HOOK1: variants seen among roughly 807,000 people sequenced by gnomAD.
The protein encoded by HOOK1 is protein Hook homolog 1.
HOOK1 carries 60 observed loss-of-function variants against 112.8 expected under a neutral mutation model. The observed-to-expected ratio is 0.53, with a 90% CI of 0.43 to 0.66. The LOEUF is 0.66. HOOK1 is among the 30% of genes least tolerant of loss of function. The pLI is 0.00. For missense variants in HOOK1, 770 were observed against 856.0 expected (o/e 0.90, Z 1.25); for synonymous variants, 294 against 283.8 (o/e 1.04, Z -0.36).
chr1:59,871,464 G>A (rs1416322895), intron 21 of HOOK1, among the ~76,000 whole-genome samples: 3 of 152,146 alleles, frequency 2.0e-5, no homozygotes, highest in Non-Finnish European at 4.4e-5. Flanking sequence ...ATGAAGATCT[G>A]TGTAATGCAA....
At chr1:59,853,336 A>G (rs2102052624) in intron 12 of HOOK1, among the ~76,000 whole-genome samples, 1 of 151,552 alleles carries the variant, frequency 6.6e-6, no homozygotes, top group East Asian at 1.9e-4. Context: ...TGATAGATTG[A>G]TTTTTCTAAT....
chr1:59,828,259 T>C (rs1021501943), intron 2 of HOOK1, among the ~76,000 whole-genome samples: 12 of 152,200 alleles, frequency 7.9e-5, no homozygotes, highest in African/African-American at 2.7e-4. Flanking sequence ...AAAACTAAAC[T>C]TGTCTTTGTA....
intron 4 of HOOK1, among the ~76,000 whole-genome samples, chr1:59,832,635 T>G (rs1233350580): frequency 2.0e-5 from 3 of 152,102 alleles, no homozygotes; most frequent in African/African-American, 7.2e-5. Flanking sequence ...AAAAGTAGTA[T>G]TATAAAGTCA....
At chr1:59,849,045 C>A in intron 11 of HOOK1, 28 bp from the exon 12 acceptor site, 1 of 1,422,798 alleles carries the variant, frequency 7.0e-7, no homozygotes, top group African/African-American at 1.4e-5. Context: ...CTTTTAAGGA[C>A]CTTTTTTCCT....
At chr1:59,824,258 A>C (rs1051714036) in intron 2 of HOOK1, among the ~76,000 whole-genome samples, 1 of 150,920 alleles carries the variant, frequency 6.6e-6, no homozygotes, top group Non-Finnish European at 1.5e-5. Flanking sequence ...CCTAGGCTGG[A>C]ATGCAGTGGT....
Position 59,865,944 on chromosome 1 carries a change from A to G in HOOK1, c.1817A>G (p.Tyr606Cys). ...DEDMKAMEER[Y>C]KMYLEKARNV... ...GATATGAAAGCAATGGAGGAAAGAT[A>G]TAAAATGTACTTGGAGAAAGCCAGA... The change falls in exon 19 of 22, where the codon TAT becomes TGT. Residue 606 changes from tyrosine to cysteine, a missense_variant. This residue lies in a region of HOOK1 where 655 missense variants were observed against 725.9 expected (regional missense o/e 0.90). Coordinates refer to ENST00000371208, the MANE Select transcript of HOOK1 (RefSeq NM_015888.6). 3 of 1,596,356 alleles carry G rather than the reference A, an allele frequency of 1.9e-6. No individual in the cohort carries two copies. Among genetic ancestry groups the G allele is most frequent in the Non-Finnish European group, 2.6e-6 (3 of 1,169,404 alleles).
intron 9 of HOOK1, among the ~76,000 whole-genome samples, chr1:59,844,546 T>G (rs2098402651): frequency 6.6e-6 from 1 of 151,992 alleles, no homozygotes; most frequent in South Asian, 2.1e-4. Context: ...ATTTTGTTCT[T>G]TCTTTTTCAA....
chr1:59,824,325 A>G (rs951101058), intron 2 of HOOK1, among the ~76,000 whole-genome samples: 3 of 151,766 alleles, frequency 2.0e-5, no homozygotes, highest in Admixed American at 2.0e-4. Flanking sequence ...CTCCTGCCTC[A>G]GCCTCCTCAG....
rs140205430 is a variant in HOOK1, at chr1:59,849,137, T to C, written c.1196T>C (p.Met399Thr). ...AGGGCAGACACACTAGCGTTTGAAA[T>C]GAAGCGGCTTGAAGAAAAACATGAA... ...SKRADTLAFE[M>T]KRLEEKHEAL... The change falls in exon 12 of 22, where the codon ATG becomes ACG. Residue 399 changes from methionine to threonine, a missense_variant. By Grantham distance (81) the Met-to-Thr change is moderately conservative. Coordinates refer to ENST00000371208, the MANE Select transcript of HOOK1 (RefSeq NM_015888.6). The C allele has an allele frequency of 3.1e-6, 5 of 1,609,752 alleles. No homozygotes were observed. Among genetic ancestry groups the C allele is most frequent in the Non-Finnish European group, 4.2e-6 (5 of 1,176,974 alleles).
chr1:59,826,353 A>G (rs1361477587), intron 2 of HOOK1, among the ~76,000 whole-genome samples: 1 of 152,142 alleles, frequency 6.6e-6, no homozygotes, highest in Admixed American at 6.5e-5. Flanking sequence ...AAAAAAAAAA[A>G]AAGAGATGCC....
chr1:59,835,219 C>G (rs755322350), intron 5 of HOOK1, 126 bp from the exon 6 acceptor site: 16 of 652,710 alleles, frequency 2.5e-5, no homozygotes, highest in Non-Finnish European at 4.4e-5. Flanking sequence ...TACTGGTGGA[C>G]AAATAATGTA....
intron 1 of HOOK1, 144 bp downstream of exon 1, chr1:59,815,324 A>G: frequency 1.3e-6 from 1 of 743,302 alleles, no homozygotes; most frequent in Non-Finnish European, 2.1e-6. Flanking sequence ...CTTGACCGAG[A>G]GAATGCCACC....
intron 12 of HOOK1, among the ~76,000 whole-genome samples, chr1:59,857,579 A>G (rs2098411361): frequency 6.6e-6 from 1 of 152,216 alleles, no homozygotes; most frequent in South Asian, 2.1e-4. Context: ...TTTAGGGTTC[A>G]GAGATCCTTA....
intron 19 of HOOK1, 25 bp downstream of exon 19, chr1:59,865,997 C>A: frequency 7.6e-7 from 1 of 1,313,134 alleles, no homozygotes; most frequent in Non-Finnish European, 1.1e-6. Context: ...TTTCGGAGCT[C>A]AAGACTTTGT....
chr1:59,847,653 C>T (rs2098404769), intron 10 of HOOK1, among the ~76,000 whole-genome samples: 1 of 151,522 alleles, frequency 6.6e-6, no homozygotes, highest in Admixed American at 6.6e-5. Context: ...TTACTTTTTT[C>T]ATGTGAAATG....
At chr1:59,835,300 T>G (rs762525936) in intron 5 of HOOK1, 45 bp from the exon 6 acceptor site, 5 of 1,023,988 alleles carry the variant, frequency 4.9e-6, no homozygotes, top group Non-Finnish European at 3.1e-6. Flanking sequence ...AGGTACTATG[T>G]GTAAAGAGTA....
intron 7 of HOOK1, among the ~76,000 whole-genome samples, chr1:59,838,653 G>C (rs1282112118): frequency 6.6e-6 from 1 of 152,110 alleles, no homozygotes; most frequent in Non-Finnish European, 1.5e-5. Flanking sequence ...TAGGTTGCCT[G>C]TTCACTCTGA....
At chr1:59,852,702 GT>G (rs1045070021) in intron 12 of HOOK1, among the ~76,000 whole-genome samples, 9 of 148,212 alleles carry the variant, frequency 6.1e-5, no homozygotes, top group African/African-American at 9.9e-5. Context: ...TTGTATATAA[GT>G]TTTTTTTTCC....
chr1:59,850,435 A>C (rs922216329), intron 12 of HOOK1, among the ~76,000 whole-genome samples: 1 of 151,422 alleles, frequency 6.6e-6, no homozygotes, highest in Non-Finnish European at 1.5e-5. Context: ...GTTTCTAAAA[A>C]AACCACTGTG....
Sources: allele counts gnomAD v4.1 joint callset (sites outside exome capture counted in the v4.1 genomes callset), GRCh38; gene constraint gnomAD v4.1.1; regional missense constraint gnomAD v4.1.1; transcripts MANE v1.5; gene names NCBI Gene and HGNC (gene_info 2026-07-23, HGNC 2026-07-21).